The following PDE1C variants were observed in gnomAD, a reference collection of about 807,000 sequenced individuals.
The protein encoded by PDE1C is dual specificity calcium/calmodulin-dependent 3',5'-cyclic nucleotide phosphodiesterase 1C.
PDE1C carries 62 observed loss-of-function variants against 93.1 expected under a neutral mutation model. That is an observed-to-expected ratio of 0.67 (90% CI 0.54 to 0.82). The LOEUF (loss-of-function observed/expected upper bound fraction) is 0.82. Among genes scored for constraint, PDE1C ranks in the 40% least tolerant of loss-of-function variants. PDE1C has a pLI of 0.00. For missense variants in PDE1C, 742 were observed against 884.6 expected (o/e 0.84, Z 2.04); for synonymous variants, 325 against 310.1 (o/e 1.05, Z -0.50).
chr7:31,717,256 T>G, the PDE1C span, among the ~76,000 whole-genome samples: 1 of 152,240 alleles, frequency 6.6e-6, no homozygotes, highest in Non-Finnish European at 1.5e-5. Context: ...CTTTATACAT[T>G]TATTTAAAAA....
At chr7:31,637,856 T>G in the PDE1C span, among the ~76,000 whole-genome samples, 1 of 152,232 alleles carries the variant, frequency 6.6e-6, no homozygotes, top group Admixed American at 6.5e-5. Flanking sequence ...CTTCTAGGGT[T>G]TTTATGGTTT....
chr7:32,419,455 T>C (rs1785342943), intron 1 of PDE1C, among the ~76,000 whole-genome samples: 1 of 152,178 alleles, frequency 6.6e-6, no homozygotes, highest in Non-Finnish European at 1.5e-5. Flanking sequence ...TTCAGCTCCC[T>C]CAGGAGAGTG....
At chr7:31,955,966 C>T (rs754850233) in intron 2 of PDE1C, among the ~76,000 whole-genome samples, 9 of 152,298 alleles carry the variant, frequency 5.9e-5, no homozygotes, top group Non-Finnish European at 1.0e-4. Context: ...TGGAGGTTTT[C>T]GGTGACCCTC....
intron 9 of PDE1C, among the ~76,000 whole-genome samples, chr7:31,839,553 A>G (rs1437664699): frequency 1.3e-5 from 2 of 152,192 alleles, no homozygotes; most frequent in African/African-American, 4.8e-5. Flanking sequence ...TCATATGAGC[A>G]TACCACAGTT....
intron 1 of PDE1C, among the ~76,000 whole-genome samples, chr7:32,366,407 C>A (rs1229161040): frequency 6.6e-6 from 1 of 151,940 alleles, no homozygotes; most frequent in African/African-American, 2.4e-5. Context: ...ATGAAGAAAG[C>A]CTACGAGATT....
chr7:31,654,391 C>A, the PDE1C span, among the ~76,000 whole-genome samples: 1 of 152,164 alleles, frequency 6.6e-6, no homozygotes, highest in Non-Finnish European at 1.5e-5. Context: ...AGACTATAGG[C>A]CATGACCAAG....
intron 17 of PDE1C, among the ~76,000 whole-genome samples, chr7:31,766,180 C>A (rs1348359135): frequency 6.6e-6 from 1 of 151,986 alleles, no homozygotes; most frequent in African/African-American, 2.4e-5. Context: ...GTCAGGAGAT[C>A]GAGACCATCC....
chr7:32,132,280 G>T (rs1425903866), intron 3 of PDE1C, among the ~76,000 whole-genome samples: 1 of 152,122 alleles, frequency 6.6e-6, no homozygotes, highest in African/African-American at 2.4e-5. Context: ...CCTAGGTCAA[G>T]GTGAGGAGAA....
intron 2 of PDE1C, among the ~76,000 whole-genome samples, chr7:31,965,406 G>GA (rs1189294340): frequency 6.6e-6 from 1 of 152,084 alleles, no homozygotes; most frequent in East Asian, 1.9e-4. Context: ...GAAGTTTAGA[G>GA]AAAAAAGAAC....
chr7:31,962,869 A>C lies in PDE1C; in HGVS notation c.129-82009T>G, dbSNP rs2129034921. 2.0e-5 allele frequency among the ~76,000 whole-genome samples: 3 copies of C among 152,322 alleles called. No individual in the cohort carries two copies. The South Asian group carries it at 6.2e-4, about 32-fold the overall frequency. On this transcript the variant is annotated intron_variant, in intron 2 of 17. Transcript: ENST00000396191. The stretch of plus-strand genomic sequence containing the variant: ...TACATGAGAAGTAAGCAGGAACAAT[A>C]CGAGAACCAAGACAAGCTACAAGCA...
At chr7:32,184,364 A>G (rs537583894) in intron 2 of PDE1C, among the ~76,000 whole-genome samples, 389 of 152,308 alleles carry the variant, frequency 2.6e-3, no homozygotes, top group African/African-American at 9.0e-3. Flanking sequence ...TGTTTATTGC[A>G]TCACTATTCA....
chr7:32,086,001 C>T (rs1797046630), intron 3 of PDE1C, among the ~76,000 whole-genome samples: 1 of 151,610 alleles, frequency 6.6e-6, no homozygotes, highest in African/African-American at 2.4e-5. Flanking sequence ...AAGTTCTGGC[C>T]AGGGCAATCA....
intron 3 of PDE1C, among the ~76,000 whole-genome samples, chr7:32,138,700 T>C (rs898684572): frequency 6.6e-6 from 1 of 152,190 alleles, no homozygotes; most frequent in Non-Finnish European, 1.5e-5. Flanking sequence ...ACTGCAAATG[T>C]AGTTTTGTTT....
At chr7:32,325,026 T>G (rs1046859428) in intron 1 of PDE1C, among the ~76,000 whole-genome samples, 21 of 152,194 alleles carry the variant, frequency 1.4e-4, no homozygotes, top group African/African-American at 4.8e-4. Context: ...CCAAGGAACC[T>G]TCTTGTTGAA....
At chr7:31,728,609 G>A in the PDE1C span, among the ~76,000 whole-genome samples, 7 of 152,034 alleles carry the variant, frequency 4.6e-5, no homozygotes, top group Non-Finnish European at 5.9e-5. Flanking sequence ...ATTGTTTTCC[G>A]AGTACTGAGG....
Position 32,221,739 on chromosome 7 carries a change from G to GTT in PDE1C, c.86-12202_86-12201dup, listed in dbSNP as rs5883336. On this transcript the variant is annotated intron_variant, in intron 1 of 18. Transcript: ENST00000396193. ...ATTCTCTTGGTTTTTCTTCAGCAAT[G>GTT]TTTTTTTGAGAAAAATAACTGTTAA... Among the ~76,000 whole-genome samples the GTT allele has an allele frequency of 1.4e-4, 21 of 152,126 alleles. 1 individual carries two copies. The highest frequency in any genetic ancestry group is 3.4e-3 in the Middle Eastern group (1 of 294).
chr7:32,109,334 A>T (rs1044047053), intron 3 of PDE1C, among the ~76,000 whole-genome samples: 2 of 152,244 alleles, frequency 1.3e-5, no homozygotes, highest in Non-Finnish European at 2.9e-5. Flanking sequence ...GTAAGGACAG[A>T]TGTTTATCAC....
chr7:31,834,827 A>AAATGTTAG (rs1250704621), intron 11 of PDE1C, among the ~76,000 whole-genome samples: 1 of 152,044 alleles, frequency 6.6e-6, no homozygotes, highest in African/African-American at 2.4e-5. Context: ...ATTGGTTTTG[A>AAATGTTAG]AATGTTAGAA....
At chr7:31,867,391 T>G (rs904152608) in intron 6 of PDE1C, among the ~76,000 whole-genome samples, 1 of 152,102 alleles carries the variant, frequency 6.6e-6, no homozygotes, top group Non-Finnish European at 1.5e-5. Flanking sequence ...CACCTTCCAG[T>G]GCCTCAACAC....
Sources: allele counts gnomAD v4.1 joint callset (sites outside exome capture counted in the v4.1 genomes callset), GRCh38; gene constraint gnomAD v4.1.1; transcripts MANE v1.5; gene names NCBI Gene and HGNC (gene_info 2026-07-23, HGNC 2026-07-21).